Variants in MBP observed in about 807,000 individuals in gnomAD.
MBP encodes the protein Golli-MBP.
In MBP, 16 loss-of-function variants were observed where a neutral mutation model predicts 35.8. The observed-to-expected ratio is 0.45, with a 90% CI of 0.30 to 0.68. The LOEUF is 0.68. Ranked by LOEUF, MBP falls within the 30% of genes least tolerant of loss-of-function variation. MBP has a pLI of 0.08. For missense variants in MBP, 380 were observed against 404.7 expected, an observed-to-expected ratio of 0.94 and a Z score of 0.52; for synonymous variants, 143 against 159.6, an observed-to-expected ratio of 0.90 and a Z score of 0.78.
chr18:77,063,824 G>A (rs897449647), intron 3 of MBP, among the ~76,000 whole-genome samples: 7 of 152,124 alleles, frequency 4.6e-5, no homozygotes, highest in Non-Finnish European at 7.3e-5. Flanking sequence ...TCTTGATAGC[G>A]TAAGGAAAGG....
At chr18:77,097,012 C>G (rs76619859) in intron 2 of MBP, among the ~76,000 whole-genome samples, 1 of 152,096 alleles carries the variant, frequency 6.6e-6, no homozygotes, top group Non-Finnish European at 1.5e-5. Flanking sequence ...CACTACAAAC[C>G]CCTCCTTTGG....
Position 77,013,131 on chromosome 18 carries a change from GA to G in MBP, c.576+3700del, listed in dbSNP as rs1971442539. 4 of 985,316 alleles carry G rather than the reference GA, an allele frequency of 4.1e-6. No individual in the cohort carries two copies. The South Asian group carries it at 1.9e-4, about 46-fold the overall frequency. 61.0% of individuals were successfully genotyped at this position (985,316 alleles called of 1,614,324 possible). On this transcript the variant is annotated intron_variant, in intron 4 of 8. Coordinates refer to ENST00000355994, the MANE Select transcript of MBP (RefSeq NM_001025101.2). ...GAGACTTTGAGAGGAATGCCTATAA[GA>G]AATCTCAAAAGGTATTTGTTTGGGT...
Position 77,102,388 on chromosome 18 carries a change from G to A in MBP, c.51+2823C>T, listed in dbSNP as rs1440707130. Among the ~76,000 whole-genome samples the A allele has an allele frequency of 9.9e-5, 15 of 152,094 alleles. No homozygotes were observed. The highest frequency in any genetic ancestry group is 2.1e-4 in the South Asian group (1 of 4,838). Reference sequence around the variant, plus strand: ...GTGACACGGCTGGAGCTCATGTCACGTTTTCTTTTGTGATTCAAGTTTAAT... The same window carrying A: ...GTGACACGGCTGGAGCTCATGTCACATTTTCTTTTGTGATTCAAGTTTAAT... On this transcript the variant is annotated intron_variant, in intron 2 of 8. Transcript: ENST00000355994. The surrounding 1 kb of genome is among the most constrained non-coding windows in gnomAD (Gnocchi z 4.4).
At chr18:77,087,417 C>T (rs1975289141) in intron 2 of MBP, 1 of 152,236 alleles carries the variant, frequency 6.6e-6, no homozygotes, top group Non-Finnish European at 1.5e-5. Flanking sequence ...TGGCCACCCG[C>T]GGCAGGTGGT....
intron 1 of MBP, among the ~76,000 whole-genome samples, chr18:77,116,820 T>C (rs1976678569): frequency 6.6e-6 from 1 of 151,976 alleles, no homozygotes; most frequent in African/African-American, 2.4e-5. Context: ...TGAGTCGAGA[T>C]TGGGCCACTG....
chr18:76,994,227 T>G (rs925704139), intron 4 of MBP, among the ~76,000 whole-genome samples: 2 of 152,244 alleles, frequency 1.3e-5, no homozygotes, highest in Admixed American at 6.5e-5. Flanking sequence ...CTGAAATCAC[T>G]GAAACAGCTC....
chr18:77,024,365 A>T (rs1330262127), intron 3 of MBP, among the ~76,000 whole-genome samples: 2 of 152,244 alleles, frequency 1.3e-5, no homozygotes, highest in Non-Finnish European at 2.9e-5. Flanking sequence ...CCCCGGTCTA[A>T]AGAATTCTGT....
intron 3 of MBP, among the ~76,000 whole-genome samples, chr18:77,037,467 T>A (rs1972824816): frequency 6.6e-6 from 1 of 152,176 alleles, no homozygotes; most frequent in Non-Finnish European, 1.5e-5. Flanking sequence ...GAGAGGTGGC[T>A]GGAGGGGCTG....
chr18:77,009,100 G>A (rs1220369222), intron 4 of MBP, among the ~76,000 whole-genome samples: 1 of 152,194 alleles, frequency 6.6e-6, no homozygotes, highest in Non-Finnish European at 1.5e-5. Flanking sequence ...TGGGTCTGGA[G>A]GGGGGCCTGG....
chr18:77,019,853 G>A (rs912842254), intron 3 of MBP, among the ~76,000 whole-genome samples: 2 of 152,224 alleles, frequency 1.3e-5, no homozygotes, highest in East Asian at 1.9e-4. Flanking sequence ...CCCGGTGGCG[G>A]AAGCAGCAGG....
At chr18:77,029,696 T>C (rs1972468059) in intron 3 of MBP, among the ~76,000 whole-genome samples, 1 of 152,100 alleles carries the variant, frequency 6.6e-6, no homozygotes. Flanking sequence ...GTAGTATGTT[T>C]TGGTAGCGCA....
intron 1 of MBP, chr18:77,108,782 T>C (rs1976359510): frequency 6.6e-6 from 1 of 152,258 alleles, no homozygotes; most frequent in African/African-American, 2.4e-5. Context: ...CTCACTAGCC[T>C]ATCTGTGCAG....
At chr18:77,080,338 C>T (rs747047914) in intron 2 of MBP, among the ~76,000 whole-genome samples, 12 of 152,258 alleles carry the variant, frequency 7.9e-5, no homozygotes, top group Non-Finnish European at 1.6e-4. Flanking sequence ...GAACAGGATG[C>T]GGACGGTAAG....
chr18:76,996,149 C>T (rs1445805413), intron 4 of MBP, among the ~76,000 whole-genome samples: 3 of 152,114 alleles, frequency 2.0e-5, no homozygotes, highest in East Asian at 1.9e-4. Context: ...GATACCGCAC[C>T]GTTAGAATGG....
At chr18:76,985,272 C>T (rs899973374) in intron 7 of MBP, 30 of 1,324,318 alleles carry the variant, frequency 2.3e-5, no homozygotes, top group Non-Finnish European at 2.9e-5. Context: ...GAGGCTCCTG[C>T]CTACACGGGT....
intron 2 of MBP, among the ~76,000 whole-genome samples, chr18:77,097,914 T>TAAAAAAAAAA (rs201927684): frequency 6.6e-6 from 1 of 151,334 alleles, no homozygotes; most frequent in Non-Finnish European, 1.5e-5. Flanking sequence ...ATCTTTTTTT[T>TAAAAAAAAAA]AAAAAAATAC....
At chr18:77,088,631 A>G (rs1243066064) in intron 2 of MBP, among the ~76,000 whole-genome samples, 1 of 148,630 alleles carries the variant, frequency 6.7e-6, no homozygotes, top group Non-Finnish European at 1.5e-5. Context: ...ATTATTAAAC[A>G]GTTTTTTTGT....
chr18:77,123,766 C>T (rs1183056902), intron 1 of MBP, among the ~76,000 whole-genome samples: 1 of 152,208 alleles, frequency 6.6e-6, no homozygotes, highest in Admixed American at 6.5e-5. Context: ...GGGAGTTGGG[C>T]GTCCAGCCAC....
intron 2 of MBP, among the ~76,000 whole-genome samples, chr18:77,099,269 C>A (rs556851813): frequency 2.0e-5 from 3 of 152,164 alleles, no homozygotes; most frequent in Non-Finnish European, 2.9e-5. Context: ...GGCGTGGGCA[C>A]GGCCAGGGTT....
Sources: allele counts gnomAD v4.1 joint callset (sites outside exome capture counted in the v4.1 genomes callset), GRCh38; gene constraint gnomAD v4.1.1; non-coding constraint Gnocchi (gnomAD v3.1); transcripts MANE v1.5; gene names NCBI Gene and HGNC (gene_info 2026-07-23, HGNC 2026-07-21).